The following PHLPP1 variants were observed in gnomAD, a reference collection of about 807,000 sequenced individuals.
PHLPP1 encodes PH domain and leucine rich repeat protein phosphatase 1.
PHLPP1 carries 42 observed loss-of-function variants against 117.2 expected under a neutral mutation model. The observed-to-expected ratio is 0.36, with a 90% confidence interval of 0.28 to 0.46. The LOEUF is 0.46. PHLPP1 is among the 20% of genes least tolerant of loss of function. The pLI, the probability that PHLPP1 is intolerant of heterozygous loss-of-function variation, is 1.00. For missense variants in PHLPP1, 2,084 were observed against 2,241.9 expected, an observed-to-expected ratio of 0.93 and a Z score of 1.42; for synonymous variants, 1,042 against 970.7, an observed-to-expected ratio of 1.07 and a Z score of -1.37.
chr18:62,868,134 C>A (rs1915814156), intron 4 of PHLPP1, among the ~76,000 whole-genome samples: 1 of 152,040 alleles, frequency 6.6e-6, no homozygotes, highest in Non-Finnish European at 1.5e-5. Context: ...ATTTAACTTC[C>A]CTGTTTTCAG....
intron 1 of PHLPP1, among the ~76,000 whole-genome samples, chr18:62,789,170 G>A (rs1913386375): frequency 6.6e-6 from 1 of 152,150 alleles, no homozygotes; most frequent in African/African-American, 2.4e-5. Flanking sequence ...AAATATTTCA[G>A]GAGTCTGAAC....
chr18:62,719,794 G>T (rs1910862983), intron 1 of PHLPP1, among the ~76,000 whole-genome samples: 1 of 152,066 alleles, frequency 6.6e-6, no homozygotes, highest in South Asian at 2.1e-4. Flanking sequence ...TTTAAATTGA[G>T]CTTATCTACT....
intron 1 of PHLPP1, among the ~76,000 whole-genome samples, chr18:62,809,545 G>T (rs967074689): frequency 6.6e-6 from 1 of 151,838 alleles, no homozygotes; most frequent in African/African-American, 2.4e-5. Flanking sequence ...CTAAAAATAC[G>T]AAAAAAATTA....
At chr18:62,871,190 AT>A (rs775188434) in intron 4 of PHLPP1, among the ~76,000 whole-genome samples, 19 of 152,164 alleles carry the variant, frequency 1.2e-4, no homozygotes, top group Admixed American at 5.9e-4. Flanking sequence ...TAAGGAATAT[AT>A]TTTTTCCCCC....
intron 1 of PHLPP1, among the ~76,000 whole-genome samples, chr18:62,740,552 A>G (rs1438293690): frequency 1.3e-5 from 2 of 152,256 alleles, no homozygotes; most frequent in Non-Finnish European, 2.9e-5. Context: ...TGCTAAACCT[A>G]TCATGGAAAT....
intron 1 of PHLPP1, among the ~76,000 whole-genome samples, chr18:62,822,834 T>C (rs1445349822): frequency 1.3e-5 from 2 of 152,236 alleles, no homozygotes; most frequent in Non-Finnish European, 2.9e-5. Flanking sequence ...ATGGAAGGAC[T>C]AATCAATAAA....
At chr18:62,808,455 C>T (rs182790199) in intron 1 of PHLPP1, among the ~76,000 whole-genome samples, 5 of 152,186 alleles carry the variant, frequency 3.3e-5, no homozygotes, top group Admixed American at 2.0e-4. Flanking sequence ...AAATTTATCA[C>T]GCTAATTATA....
chr18:62,716,424 G>T lies in PHLPP1; in HGVS notation c.741G>T (p.Val247=). Residue 247 remains valine, a synonymous_variant, in exon 1 of 17, where the codon GTG becomes GTT. Transcript: ENST00000262719. This position sits in a 1 kb window ranked among gnomAD's most constrained non-coding sequence, Gnocchi z 5.7. The part of the protein sequence containing the change: ...LGHKGGGVVK[V]LGQGPGAAAA... The stretch of plus-strand genomic sequence containing the variant: ...ACAAAGGCGGCGGCGTGGTGAAGGT[G>T]CTGGGCCAGGGGCCCGGAGCCGCCG... 7.0e-7 allele frequency: 1 copy of T among 1,429,666 alleles called. No homozygotes were observed. Among genetic ancestry groups the T allele is most frequent in the Non-Finnish European group, 9.2e-7 (1 of 1,092,094 alleles). 88.6% of individuals were successfully genotyped at this position (1,429,666 alleles called of 1,614,324 possible). A position where few individuals can be genotyped will look rare whatever the true frequency, so the allele number is the denominator to read the frequency against.
chr18:62,852,468 C>T (rs1426975982), intron 3 of PHLPP1, among the ~76,000 whole-genome samples: 3 of 152,054 alleles, frequency 2.0e-5, no homozygotes, highest in South Asian at 2.1e-4. Context: ...CTCAGCCTCC[C>T]GAGTAGCTGG....
intron 1 of PHLPP1, among the ~76,000 whole-genome samples, chr18:62,720,485 C>T (rs1359722680): frequency 6.6e-6 from 1 of 152,052 alleles, no homozygotes. Context: ...ATCTTTTTAT[C>T]CCTGTCATAT....
intron 1 of PHLPP1, among the ~76,000 whole-genome samples, chr18:62,747,872 CA>C (rs1030284364): frequency 1.1e-4 from 16 of 152,062 alleles, no homozygotes; most frequent in Admixed American, 3.9e-4. Context: ...TTGATGTTTT[CA>C]AATACATCAG....
intron 14 of PHLPP1, among the ~76,000 whole-genome samples, chr18:62,971,669 C>A (rs922837835): frequency 7.4e-6 from 1 of 135,292 alleles, no homozygotes; most frequent in African/African-American, 2.5e-5. Context: ...GAAGCAGGCT[C>A]TCTCCAGGAT....
chr18:62,842,510 C>T lies in PHLPP1; in HGVS notation c.1899+3601C>T, dbSNP rs752986618. Among the ~76,000 whole-genome samples, 9 of 151,726 alleles carry T rather than the reference C, an allele frequency of 5.9e-5. 1 individual carries two copies. The highest frequency in any genetic ancestry group is 2.0e-4 in the Admixed American group (3 of 15,244). ...CTGAGTAGCTGGGATTACAGGCGTG[C>T]GCCACCATGCCGGGCTAATTTTTTT... On this transcript the variant is annotated intron_variant, in intron 3 of 16. Transcript: ENST00000262719.
At chr18:62,895,332 C>T (rs1279122933) in intron 5 of PHLPP1, among the ~76,000 whole-genome samples, 175 bp downstream of exon 5, 2 of 152,198 alleles carry the variant, frequency 1.3e-5, no homozygotes, top group African/African-American at 4.8e-5. Context: ...GATTTGTACT[C>T]CTTACAGTCT....
intron 1 of PHLPP1, among the ~76,000 whole-genome samples, chr18:62,761,410 A>T (rs1912226173): frequency 6.6e-6 from 1 of 151,890 alleles, no homozygotes; most frequent in African/African-American, 2.4e-5. Context: ...AGGCGGGCAG[A>T]TCACGAGGTC....
At chr18:62,932,886 C>A (rs1404438887) in intron 10 of PHLPP1, among the ~76,000 whole-genome samples, 1 of 152,338 alleles carries the variant, frequency 6.6e-6, no homozygotes, top group South Asian at 2.1e-4. Context: ...CCAAAAGACT[C>A]TCAGACTTGA....
intron 4 of PHLPP1, among the ~76,000 whole-genome samples, chr18:62,890,586 G>A (rs980347430): frequency 6.6e-6 from 1 of 152,098 alleles, no homozygotes; most frequent in African/African-American, 2.4e-5. Context: ...TTTAAAACTT[G>A]TTAACTGCAT....
At chr18:62,778,280 C>T (rs977410378) in intron 1 of PHLPP1, among the ~76,000 whole-genome samples, 16 of 152,062 alleles carry the variant, frequency 1.1e-4, no homozygotes, top group South Asian at 8.3e-4. Context: ...AAAAAGACAG[C>T]GCTGGAAATC....
intron 3 of PHLPP1, among the ~76,000 whole-genome samples, chr18:62,840,081 G>A (rs923056406): frequency 1.3e-5 from 2 of 152,086 alleles, no homozygotes; most frequent in South Asian, 4.2e-4. Context: ...GATTCAGATT[G>A]CTGTGTGATG....
Sources: allele counts gnomAD v4.1 joint callset (sites outside exome capture counted in the v4.1 genomes callset), GRCh38; gene constraint gnomAD v4.1.1; non-coding constraint Gnocchi (gnomAD v3.1); transcripts MANE v1.5; gene names NCBI Gene and HGNC (gene_info 2026-07-23, HGNC 2026-07-21).